POU6F2: variants seen among roughly 807,000 people sequenced by gnomAD.
POU6F2 encodes the protein POU domain, class 6, transcription factor 2.
Under a neutral mutation model 71.3 loss-of-function variants are expected in POU6F2, and 31 were observed. The observed-to-expected ratio is 0.43, with a 90% CI of 0.33 to 0.59. The LOEUF is 0.59. POU6F2 is among the 20% of genes least tolerant of loss of function. The pLI is 0.04. For missense variants in POU6F2, 783 were observed against 856.8 expected (o/e 0.91, Z 1.07); for synonymous variants, 347 against 355.7 (o/e 0.98, Z 0.27).
At chr7:39,015,679 AT>A in intron 1 of POU6F2, among the ~76,000 whole-genome samples, 1 of 101,770 alleles carries the variant, frequency 9.8e-6, no homozygotes, top group Non-Finnish European at 1.9e-5. Context: ...TATTATATCT[AT>A]GTTATATATC....
Position 39,307,617 on chromosome 7 carries a change from TA to T in POU6F2, c.599-32023del, listed in dbSNP as rs1339629265. 2.0e-5 allele frequency among the ~76,000 whole-genome samples: 3 copies of T among 152,198 alleles called. No homozygotes were observed. The East Asian group carries it at 5.8e-4, about 29-fold the overall frequency. ...TTCTTAGAGCTTCATGTGTTATTGGTAAGTAAAGTTTTAGGATTATTGTCAA... is the reference window on the plus strand; with the variant it reads ...TTCTTAGAGCTTCATGTGTTATTGGTAGTAAAGTTTTAGGATTATTGTCAA... On this transcript the variant is annotated intron_variant, in intron 4 of 9. Transcript: ENST00000518318.
At chr7:39,033,620 C>T (rs1789993908) in intron 1 of POU6F2, among the ~76,000 whole-genome samples, 1 of 152,124 alleles carries the variant, frequency 6.6e-6, no homozygotes, top group African/African-American at 2.4e-5. Context: ...AATTACTGAT[C>T]CATTTTAGAA....
chr7:39,263,507 C>G (rs968409486), intron 4 of POU6F2, among the ~76,000 whole-genome samples: 1 of 152,218 alleles, frequency 6.6e-6, no homozygotes, highest in East Asian at 1.9e-4. Context: ...AATTAAGATA[C>G]ACACGGTTGT....
At chr7:39,340,468 T>G (rs191663514) in intron 5 of POU6F2, among the ~76,000 whole-genome samples, 26 of 152,318 alleles carry the variant, frequency 1.7e-4, no homozygotes, top group Non-Finnish European at 3.2e-4. Context: ...TTAAGTACTT[T>G]GTGCTCTTTT....
chr7:39,041,035 T>C (rs1584513309), intron 1 of POU6F2, among the ~76,000 whole-genome samples: 1 of 152,110 alleles, frequency 6.6e-6, no homozygotes, highest in Non-Finnish European at 1.5e-5. Flanking sequence ...GTTCACCTCA[T>C]GGACATCAGC....
At chr7:39,056,662 C>CTGTGTGTGTGTGTGTGTGTGTG in intron 1 of POU6F2, among the ~76,000 whole-genome samples, 1 of 113,424 alleles carries the variant, frequency 8.8e-6, no homozygotes. Context: ...CTCTCTCTCT[C>CTGTGTGTGTGTGTGTGTGTGTG]TGTGTGTGTG....
At chr7:39,148,545 GTGA>G (rs1792670074) in intron 2 of POU6F2, among the ~76,000 whole-genome samples, 1 of 152,074 alleles carries the variant, frequency 6.6e-6, no homozygotes, top group African/African-American at 2.4e-5. Context: ...AGTGATAATG[GTGA>G]TGATGATAAT....
chr7:39,145,383 G>T (rs548131493), intron 2 of POU6F2, among the ~76,000 whole-genome samples: 2 of 152,154 alleles, frequency 1.3e-5, no homozygotes, highest in Non-Finnish European at 2.9e-5. Flanking sequence ...ACACAGTTTC[G>T]ACCAGTGTAT....
intron 5 of POU6F2, among the ~76,000 whole-genome samples, chr7:39,363,845 G>A (rs916795936): frequency 1.3e-5 from 2 of 151,976 alleles, no homozygotes; most frequent in African/African-American, 2.4e-5. Context: ...TCAGTGGAGC[G>A]GGAGCGATGA....
chr7:39,147,250 C>T (rs1792643092), intron 2 of POU6F2, among the ~76,000 whole-genome samples: 1 of 152,082 alleles, frequency 6.6e-6, no homozygotes, highest in African/African-American at 2.4e-5. Flanking sequence ...CTTTTAATGG[C>T]AAAAACCACA....
At chr7:39,325,110 A>G (rs1345486375) in intron 4 of POU6F2, among the ~76,000 whole-genome samples, 3 of 152,238 alleles carry the variant, frequency 2.0e-5, no homozygotes, top group African/African-American at 7.2e-5. Context: ...TTTGCTATAC[A>G]ATTAAAATCA....
intron 2 of POU6F2, among the ~76,000 whole-genome samples, chr7:39,096,016 A>G (rs1329672705): frequency 6.6e-6 from 1 of 152,162 alleles, no homozygotes; most frequent in African/African-American, 2.4e-5. Context: ...GGCTATTTTT[A>G]GTCAATGATA....
intron 2 of POU6F2, among the ~76,000 whole-genome samples, chr7:39,137,109 AT>A (rs1792404104): frequency 6.6e-6 from 1 of 152,006 alleles, no homozygotes; most frequent in African/African-American, 2.4e-5. Context: ...ACTATAATTT[AT>A]TGTATATTAT....
At chr7:39,045,207 C>G (rs1790267433) in intron 1 of POU6F2, among the ~76,000 whole-genome samples, 1 of 151,956 alleles carries the variant, frequency 6.6e-6, no homozygotes, top group African/African-American at 2.4e-5. Context: ...GCATCCCGTA[C>G]CTATAGCTCG....
chr7:39,001,978 T>C (rs1788928481), intron 1 of POU6F2: 4 of 152,214 alleles, frequency 2.6e-5, no homozygotes, highest in Admixed American at 2.6e-4. Flanking sequence ...GATGGTAATG[T>C]TGATTATAAG....
intron 5 of POU6F2, among the ~76,000 whole-genome samples, chr7:39,389,327 C>A (rs1562812102): frequency 6.6e-6 from 1 of 152,136 alleles, no homozygotes; most frequent in African/African-American, 2.4e-5. Flanking sequence ...TCTAAAATAT[C>A]AAAATGATTT....
At chr7:39,179,537 A>G (rs908833311) in intron 2 of POU6F2, among the ~76,000 whole-genome samples, 2 of 152,220 alleles carry the variant, frequency 1.3e-5, no homozygotes, top group African/African-American at 2.4e-5. Flanking sequence ...ATGCGCGCAC[A>G]CACACACACA....
chr7:39,138,782 A>G (rs1006180384), intron 2 of POU6F2, among the ~76,000 whole-genome samples: 1 of 152,208 alleles, frequency 6.6e-6, no homozygotes, highest in African/African-American at 2.4e-5. Context: ...CCCCAGGTCC[A>G]TGGAAGAAAT....
intron 4 of POU6F2, among the ~76,000 whole-genome samples, chr7:39,225,587 C>T (rs1794446270): frequency 1.3e-5 from 2 of 152,100 alleles, no homozygotes; most frequent in African/African-American, 4.8e-5. Context: ...ATTTCTTCAC[C>T]CCCCACCAAA....
Sources: gnomAD v4.1 joint callset for allele counts (sites outside exome capture counted in the v4.1 genomes callset) on GRCh38, gnomAD v4.1.1 for gene constraint, MANE v1.5 for transcripts, NCBI Gene and HGNC (gene_info 2026-07-23, HGNC 2026-07-21) for gene names.